Variants in CMIP observed in about 807,000 individuals in gnomAD.
CMIP encodes C-Maf-inducing protein.
Under a neutral mutation model 97.3 loss-of-function variants are expected in CMIP, and 13 were observed. The observed-to-expected ratio is 0.13, with a 90% CI of 0.09 to 0.21. The LOEUF (loss-of-function observed/expected upper bound fraction) is 0.21, where lower values mean the gene tolerates loss of function less well. Among genes scored for constraint, CMIP ranks in the 10% least tolerant of loss-of-function variants. CMIP has a pLI of 1.00. For synonymous variants in CMIP, 538 were observed against 436.3 expected (o/e 1.23, Z -2.91); for missense variants, 847 against 1,024.9 (o/e 0.83, Z 2.37).
chr16:81,692,671 G>A (rs953659680), intron 11 of CMIP, among the ~76,000 whole-genome samples: 5 of 152,206 alleles, frequency 3.3e-5, no homozygotes, highest in African/African-American at 1.2e-4. Context: ...CTCCTAAGAG[G>A]CGCTCAGTCT....
chr16:81,654,984 T>C (rs1013458878), intron 4 of CMIP, among the ~76,000 whole-genome samples: 14 of 152,220 alleles, frequency 9.2e-5, no homozygotes, highest in Admixed American at 6.5e-5. Context: ...GCCCAGTTGT[T>C]TTCTGTAAAT....
chr16:81,477,004 T>C (rs1907965078), intron 1 of CMIP, among the ~76,000 whole-genome samples: 1 of 151,990 alleles, frequency 6.6e-6, no homozygotes, highest in Non-Finnish European at 1.5e-5. Flanking sequence ...CTCTTTGGGC[T>C]TCATCTATAG....
chr16:81,644,743 G>A (rs1326768956), intron 3 of CMIP, among the ~76,000 whole-genome samples: 1 of 152,260 alleles, frequency 6.6e-6, no homozygotes, highest in Non-Finnish European at 1.5e-5. Context: ...GCCAGCCATT[G>A]TCCCCGGGTG....
At chr16:81,645,638 G>A in intron 3 of CMIP, 3 of 1,533,306 alleles carry the variant, frequency 2.0e-6, no homozygotes, top group Non-Finnish European at 2.6e-6. Flanking sequence ...GGTGAGGACA[G>A]CGCTGGAGTG....
Position 81,707,280 on chromosome 16 carries a change from G to A in CMIP, c.2268+196G>A, listed in dbSNP as rs116069591. Among the ~76,000 whole-genome samples, 1,318 of 152,352 alleles carry A rather than the reference G, an allele frequency of 8.7e-3. 24 individuals carry two copies. Among genetic ancestry groups the A allele is most frequent in the African/African-American group, 0.03 (1,261 of 41,576 alleles). On this transcript the variant is annotated intron_variant, in intron 20 of 20. Coordinates refer to ENST00000537098, the MANE Select transcript of CMIP (RefSeq NM_198390.3). The stretch of plus-strand genomic sequence containing the variant: ...GAAGTAATTGGAAATAGGAAGGCCT[G>A]TGTGGCCTGGGGTGATCAGGGATGG...
intron 1 of CMIP, among the ~76,000 whole-genome samples, chr16:81,503,339 C>T (rs2089646761): frequency 2.0e-5 from 3 of 152,106 alleles, no homozygotes; most frequent in Admixed American, 2.0e-4. Context: ...TCAGTGTTAT[C>T]CCTGGTCTCA....
At chr16:81,478,954 C>T (rs184537271) in intron 1 of CMIP, among the ~76,000 whole-genome samples, 58 of 152,320 alleles carry the variant, frequency 3.8e-4, no homozygotes, top group African/African-American at 1.3e-3. Context: ...CCCGTCCTCA[C>T]CCGAAGCAGG....
Position 81,611,181 on chromosome 16 carries a change from C to G in CMIP, c.426+3489C>G, listed in dbSNP as rs552985203. ...CCAGTGGCCAGGGGCCACACATGGCCAAAGGCTGCTGTGTTGGACAGCGCA... is the reference window on the plus strand; with the variant it reads ...CCAGTGGCCAGGGGCCACACATGGCGAAAGGCTGCTGTGTTGGACAGCGCA... On this transcript the variant is annotated intron_variant, in intron 2 of 20. Transcript: ENST00000537098. Among the ~76,000 whole-genome samples the G allele has an allele frequency of 4.6e-4, 70 of 152,354 alleles. No homozygotes were observed. In the South Asian group the frequency reaches 0.011, roughly 25 times the overall value.
At chr16:81,445,585 C>G (rs1346127803) in intron 1 of CMIP, 44 bp downstream of exon 1, 1 of 1,518,578 alleles carries the variant, frequency 6.6e-7, no homozygotes, top group South Asian at 1.2e-5. Context: ...TCCTCGGGGC[C>G]CGAGATGCGC....
chr16:81,700,625 T>C, intron 15 of CMIP: 1 of 152,366 alleles, frequency 6.6e-6, no homozygotes, highest in Non-Finnish European at 1.5e-5. Context: ...CATCGAAGAG[T>C]TGGCAGGCGC....
intron 1 of CMIP, among the ~76,000 whole-genome samples, chr16:81,457,605 C>T (rs12050953): frequency 0.27 from 40,392 of 152,154 alleles, 6,258 homozygotes; most frequent in East Asian, 0.38. Flanking sequence ...CACATGTCCC[C>T]GGGGGGCCAC....
chr16:81,604,797 A>G (rs1488453652), intron 1 of CMIP, among the ~76,000 whole-genome samples: 1 of 152,260 alleles, frequency 6.6e-6, no homozygotes, highest in African/African-American at 2.4e-5. Context: ...ACGTTAAGAC[A>G]GCTAAGGCAG....
intron 1 of CMIP, among the ~76,000 whole-genome samples, chr16:81,592,506 C>T (rs560313206): frequency 1.3e-5 from 2 of 152,326 alleles, no homozygotes; most frequent in South Asian, 2.1e-4. Context: ...GTACCGGACC[C>T]TCCTCCTTCC....
At chr16:81,628,459 C>A (rs1407519026) in intron 3 of CMIP, among the ~76,000 whole-genome samples, 1 of 152,220 alleles carries the variant, frequency 6.6e-6, no homozygotes, top group East Asian at 1.9e-4. Flanking sequence ...CACTTACTCA[C>A]CTTGGTGAAT....
At chr16:81,524,438 G>A (rs1250792989) in intron 1 of CMIP, among the ~76,000 whole-genome samples, 2 of 152,238 alleles carry the variant, frequency 1.3e-5, no homozygotes, top group Admixed American at 1.3e-4. Context: ...GACCTTGGGT[G>A]AGTTAACTAA....
chr16:81,481,955 T>C (rs1454153015), intron 1 of CMIP, among the ~76,000 whole-genome samples: 1 of 151,140 alleles, frequency 6.6e-6, no homozygotes, highest in Non-Finnish European at 1.5e-5. Flanking sequence ...CTTGGCTCAC[T>C]GCAACCTCTG....
At chr16:81,493,880 C>T (rs895242343) in intron 1 of CMIP, among the ~76,000 whole-genome samples, 6 of 152,238 alleles carry the variant, frequency 3.9e-5, no homozygotes, top group African/African-American at 1.4e-4. Context: ...CCCTGTGACT[C>T]ACGCGGCCTG....
chr16:81,525,695 A>G (rs1007265691), intron 1 of CMIP, among the ~76,000 whole-genome samples: 4 of 152,178 alleles, frequency 2.6e-5, no homozygotes, highest in Non-Finnish European at 4.4e-5. Flanking sequence ...TCATGCGACC[A>G]TCCACCATCA....
chr16:81,565,986 C>T (rs1049930471), intron 1 of CMIP, among the ~76,000 whole-genome samples: 4 of 152,268 alleles, frequency 2.6e-5, no homozygotes, highest in Admixed American at 2.0e-4. Context: ...ATAGCCAGCC[C>T]GGAGACTCCA....
Sources: allele counts gnomAD v4.1 joint callset (sites outside exome capture counted in the v4.1 genomes callset), GRCh38; gene constraint gnomAD v4.1.1; transcripts MANE v1.5; gene names NCBI Gene and HGNC (gene_info 2026-07-23, HGNC 2026-07-21).